TP63: variants seen among roughly 807,000 people sequenced by gnomAD.
TP63 encodes tumor protein p63.
A neutral mutation model predicts 82.8 loss-of-function variants in TP63; 17 were observed. That is an observed-to-expected ratio of 0.21 (90% CI 0.14 to 0.31). The LOEUF is 0.31. Among genes scored for constraint, TP63 ranks in the 10% least tolerant of loss-of-function variants. The probability of loss-of-function intolerance (pLI) is 1.00; values close to 1 mark genes in which losing one functional copy is unlikely to be tolerated. For missense variants in TP63, 648 were observed against 895.3 expected (o/e 0.72, Z 3.52); for synonymous variants, 330 against 321.7 (o/e 1.03, Z -0.28).
At chr3:189,687,317 A>G (rs572897541) in intron 1 of TP63, among the ~76,000 whole-genome samples, 1 of 152,316 alleles carries the variant, frequency 6.6e-6, no homozygotes, top group South Asian at 2.1e-4. Flanking sequence ...TTTTCTTTTA[A>G]TACAATCCAA....
chr3:189,868,087 C>G (rs1717953180), intron 7 of TP63, 145 bp downstream of exon 7: 1 of 753,188 alleles, frequency 1.3e-6, no homozygotes, highest in African/African-American at 1.7e-5. Context: ...CAAACGGTTA[C>G]ATAAAAGATC....
At chr3:189,602,061 C>A in the TP63 span, among the ~76,000 whole-genome samples, 1 of 152,178 alleles carries the variant, frequency 6.6e-6, no homozygotes, top group Non-Finnish European at 1.5e-5. Context: ...CTTACTTCTG[C>A]CACTGATCAA....
intron 1 of TP63, 66 bp downstream of exon 1, chr3:189,631,643 G>A: frequency 6.2e-7 from 1 of 1,609,676 alleles, no homozygotes; most frequent in Non-Finnish European, 8.5e-7. Context: ...TTATGAATGT[G>A]TCAGCTGTGT....
At chr3:189,715,574 A>G (rs1718899536) in intron 1 of TP63, among the ~76,000 whole-genome samples, 1 of 152,194 alleles carries the variant, frequency 6.6e-6, no homozygotes, top group Non-Finnish European at 1.5e-5. Context: ...AAATTACTCT[A>G]TACCCTTAAT....
intron 1 of TP63, among the ~76,000 whole-genome samples, chr3:189,705,640 T>A: frequency 6.6e-6 from 1 of 151,988 alleles, no homozygotes; most frequent in Non-Finnish European, 1.5e-5. Flanking sequence ...TATGGAGTTT[T>A]AAAGAACATA....
intron 1 of TP63, among the ~76,000 whole-genome samples, chr3:189,674,932 T>C (rs1025741345): frequency 1.3e-5 from 2 of 152,144 alleles, no homozygotes; most frequent in African/African-American, 4.8e-5. Flanking sequence ...GAGGCACTCC[T>C]CAGCATTGAC....
intron 1 of TP63, among the ~76,000 whole-genome samples, chr3:189,694,637 A>T (rs183802892): frequency 6.6e-6 from 1 of 152,046 alleles, no homozygotes; most frequent in Non-Finnish European, 1.5e-5. Context: ...ACATTATATT[A>T]AGGGTACATA....
intron 1 of TP63, among the ~76,000 whole-genome samples, chr3:189,635,854 G>A (rs1216887914): frequency 2.6e-5 from 4 of 151,998 alleles, no homozygotes; most frequent in African/African-American, 9.7e-5. Flanking sequence ...TGTTGTTTAT[G>A]CACATAAGAA....
Position 189,864,432 on chromosome 3 carries a change from G to C in TP63, c.766+14G>C. The stretch of plus-strand genomic sequence containing the variant: ...AATTCAACGAGGGTAAGCAGAATTT[G>C]AATCTCTAACTGTTCAACCTCCTTG... On this transcript the variant is annotated intron_variant, in intron 5 of 13. Coordinates refer to ENST00000264731, the MANE Select transcript of TP63 (RefSeq NM_003722.5). 6.2e-7 allele frequency: 1 copy of C among 1,600,040 alleles called. No homozygotes were observed. The highest frequency in any genetic ancestry group is 8.5e-7 in the Non-Finnish European group (1 of 1,171,116).
chr3:189,765,432 G>GTTTTTTTTT (rs1560167431), intron 3 of TP63, among the ~76,000 whole-genome samples: 2 of 6,182 alleles, frequency 3.2e-4, no homozygotes, highest in African/African-American at 1.0e-3. Flanking sequence ...CCTGTCCTCT[G>GTTTTTTTTT]CTTTTTTTTT....
intron 1 of TP63, among the ~76,000 whole-genome samples, chr3:189,701,514 T>C (rs1321626835): frequency 1.3e-5 from 1 of 79,448 alleles, no homozygotes; most frequent in Non-Finnish European, 2.4e-5. Flanking sequence ...TGTGAGGAGA[T>C]ATATATACAT....
intron 4 of TP63, among the ~76,000 whole-genome samples, chr3:189,846,775 C>T (rs1022424959): frequency 4.0e-5 from 6 of 149,404 alleles, no homozygotes; most frequent in Admixed American, 6.7e-5. Flanking sequence ...CAACCTCTGC[C>T]TCCTGGGTTC....
intron 9 of TP63, among the ~76,000 whole-genome samples, chr3:189,870,940 G>T (rs757591900): frequency 2.0e-5 from 3 of 152,122 alleles, no homozygotes; most frequent in Non-Finnish European, 4.4e-5. Flanking sequence ...ACTCTCAGGG[G>T]AATAAATTGC....
intron 3 of TP63, among the ~76,000 whole-genome samples, chr3:189,783,744 G>A (rs1380053161): frequency 6.6e-6 from 1 of 151,782 alleles, no homozygotes; most frequent in East Asian, 1.9e-4. Context: ...AATATCACTA[G>A]CACTAAAGGG....
rs186108882 is a variant in TP63, at chr3:189,723,727, G to C, written c.63-14013G>C. 1.2e-3 allele frequency among the ~76,000 whole-genome samples: 183 copies of C among 152,268 alleles called. 1 individual carries two copies. Among genetic ancestry groups the C allele is most frequent in the Non-Finnish European group, 2.2e-3 (148 of 68,022 alleles). ...GAACAAAATGTGCCCTGATGATTTA[G>C]TAAAAACAAAACTTATCTACCAGGT... is the stretch of plus-strand genomic sequence containing the variant. On this transcript the variant is annotated intron_variant, in intron 1 of 13. Coordinates refer to ENST00000264731, the MANE Select transcript of TP63 (RefSeq NM_003722.5).
intron 3 of TP63, among the ~76,000 whole-genome samples, chr3:189,768,319 A>C (rs1289435643): frequency 6.6e-6 from 1 of 152,182 alleles, no homozygotes; most frequent in Admixed American, 6.5e-5. Flanking sequence ...GCTGTTTTAA[A>C]TAAACACAAT....
At chr3:189,868,552 C>A in intron 7 of TP63, 28 bp from the exon 8 acceptor site, 1 of 1,613,352 alleles carries the variant, frequency 6.2e-7, no homozygotes, top group East Asian at 2.2e-5. Context: ...GAATTTAACT[C>A]TTTCTTCCCC....
At chr3:189,886,747 G>A (rs772618745) in intron 11 of TP63, among the ~76,000 whole-genome samples, 196 bp downstream of exon 11, 1 of 152,140 alleles carries the variant, frequency 6.6e-6, no homozygotes, top group Non-Finnish European at 1.5e-5. Flanking sequence ...TATACTACTG[G>A]TAGAGATAGG....
chr3:189,805,864 G>A (rs1200469569), intron 3 of TP63, among the ~76,000 whole-genome samples: 1 of 152,100 alleles, frequency 6.6e-6, no homozygotes, highest in Non-Finnish European at 1.5e-5. Context: ...GTTGCCTCAA[G>A]GCCAAAAACC....
Sources: gnomAD v4.1 joint callset for allele counts (sites outside exome capture counted in the v4.1 genomes callset) on GRCh38, gnomAD v4.1.1 for gene constraint, MANE v1.5 for transcripts, NCBI Gene and HGNC (gene_info 2026-07-23, HGNC 2026-07-21) for gene names.